The following GARNL3 variants were observed in gnomAD, a reference collection of about 807,000 sequenced individuals.
GARNL3 encodes the protein GTPase activating Rap/RanGAP domain like 3.
Under a neutral mutation model 125.0 loss-of-function variants are expected in GARNL3, and 63 were observed. The ratio of observed to expected loss-of-function variants is 0.50; its 90% CI spans 0.41 to 0.62. GARNL3 has a LOEUF of 0.62. GARNL3 is among the 20% of genes least tolerant of loss of function. GARNL3 has a pLI of 0.00. For missense variants in GARNL3, 994 were observed against 1,244.0 expected (o/e 0.80, Z 3.02); for synonymous variants, 439 against 457.5 (o/e 0.96, Z 0.52).
intron 20 of GARNL3, among the ~76,000 whole-genome samples, chr9:127,355,875 C>A (rs1258832780): frequency 1.3e-5 from 2 of 152,160 alleles, no homozygotes; most frequent in Non-Finnish European, 2.9e-5. Flanking sequence ...AAGAATGTCC[C>A]AGGAAGCCCT....
chr9:127,236,400 T>C (rs921963722), intron 1 of GARNL3, among the ~76,000 whole-genome samples: 34 of 152,222 alleles, frequency 2.2e-4, no homozygotes, highest in South Asian at 2.1e-4. Context: ...GATAGCACAA[T>C]CACACTCCAG....
Position 127,389,027 on chromosome 9 carries a change from T to G in GARNL3, c.2651T>G (p.Val884Gly), listed in dbSNP as rs201536467. 3.1e-5 allele frequency: 50 copies of G among 1,614,030 alleles called. No homozygotes were observed. The highest frequency in any genetic ancestry group is 1.7e-6 in the Non-Finnish European group (2 of 1,179,998). ...ATCACCCCACCCACTCCCATCAGTG[T>G]GGGCCTTGCTGCCATTCCAGTCACG... Reference protein sequence around the residue: ...KVITPPTPISVGLAAIPVTHS... With the variant: ...KVITPPTPISGGLAAIPVTHS... Residue 884 changes from valine to glycine, a missense_variant, in exon 26 of 28, where the codon GTG becomes GGG. This residue lies in a region of GARNL3 where 728 missense variants were observed against 865.7 expected (regional missense o/e 0.84). Transcript: ENST00000373387.
intron 11 of GARNL3, 57 bp from the exon 12 acceptor site, chr9:127,338,059 C>T (rs1396963033): frequency 3.1e-6 from 4 of 1,297,980 alleles, no homozygotes; most frequent in Non-Finnish European, 2.2e-6. Context: ...TTTCAGAGCG[C>T]AAGCTGTCAG....
intron 26 of GARNL3, among the ~76,000 whole-genome samples, chr9:127,389,740 G>T (rs1457495458): frequency 6.6e-6 from 1 of 151,882 alleles, no homozygotes; most frequent in East Asian, 1.9e-4. Flanking sequence ...GGGTAACATG[G>T]TGAAACCCCA....
At position 127,348,921 on chromosome 9, in the gene GARNL3, C is replaced by T. The variant is rs1259475125; in HGVS notation, c.1432-3C>T. On this transcript the variant is annotated splice_polypyrimidine_tract_variant and splice_region_variant and intron_variant, in intron 16 of 27. Transcript: ENST00000373387. Reference sequence around the variant, plus strand: ...ATCTTCCGATGCTTGTATTGCCTCACAGCCGTGGGAGCCCCAGTGTTTCTG... The same window carrying T: ...ATCTTCCGATGCTTGTATTGCCTCATAGCCGTGGGAGCCCCAGTGTTTCTG... 1.2e-6 allele frequency: 2 copies of T among 1,605,168 alleles called. No individual in the cohort carries two copies. The highest frequency in any genetic ancestry group is 1.7e-6 in the Non-Finnish European group (2 of 1,174,910).
chr9:127,305,569 A>T (rs1423438943), intron 2 of GARNL3, among the ~76,000 whole-genome samples: 1 of 151,530 alleles, frequency 6.6e-6, no homozygotes, highest in East Asian at 1.9e-4. Flanking sequence ...AATTTTTTTT[A>T]ATTTTTAATT....
rs538198494 is a variant in GARNL3, at chr9:127,304,557, A to G, written c.220-7079A>G. Among the ~76,000 whole-genome samples the G allele has an allele frequency of 4.7e-3, 467 of 98,898 alleles. 4 individuals are homozygous for G. Among genetic ancestry groups the G allele is most frequent in the African/African-American group, 0.016 (449 of 27,994 alleles). 64.9% of individuals were successfully genotyped at this position (98,898 alleles called of 152,430 possible). A position where few individuals can be genotyped will look rare whatever the true frequency, so the allele number is the denominator to read the frequency against. On this transcript the variant is annotated intron_variant, in intron 2 of 27. Transcript: ENST00000373387. ...TTTTTTTTTTTTTTTTTTTTTTGAG[A>G]CAGAGTCTCACTCTGTCACCCAGGC...
rs183007313 is a variant in GARNL3 at position 127,242,553 on chromosome 9, C to G, written c.-28-526C>G. Among the ~76,000 whole-genome samples the G allele has an allele frequency of 6.6e-6, 1 of 152,292 alleles. No homozygotes were observed. Among genetic ancestry groups the G allele is most frequent in the African/African-American group, 2.4e-5 (1 of 41,550 alleles). On this transcript the variant is annotated intron_variant, in intron 1 of 10. Transcript: ENST00000439286. The surrounding 1 kb of genome is among the most constrained non-coding windows in gnomAD (Gnocchi z 4.6). ...TTATTAATTCAGCAAGCATTTACTG[C>G]TTATATATACTATCTGCTATTACTC...
At position 127,393,267 on chromosome 9, in the gene GARNL3, T is replaced by G. The variant is rs1160587651; in HGVS notation, c.*13T>G. The G allele has an allele frequency of 1.9e-6, 3 of 1,590,708 alleles. No homozygotes were observed. Among genetic ancestry groups the G allele is most frequent in the East Asian group, 2.3e-5 (1 of 44,208 alleles). The stretch of plus-strand genomic sequence containing the variant: ...AGACTTGAAGTAACAGAGTTGAATC[T>G]CATTTGCCATCTTTAGTTTTCTTAT... On this transcript the variant is annotated 3_prime_UTR_variant, in exon 28 of 28. Transcript: ENST00000373387.
At chr9:127,328,728 GT>G (rs1224476274) in intron 7 of GARNL3, among the ~76,000 whole-genome samples, 1 of 152,112 alleles carries the variant, frequency 6.6e-6, no homozygotes, top group Admixed American at 6.5e-5. Context: ...TGGGACTTTA[GT>G]TTCCCCCCAT....
chr9:127,330,826 G>T (rs527308683), intron 7 of GARNL3, among the ~76,000 whole-genome samples: 1 of 152,306 alleles, frequency 6.6e-6, no homozygotes, highest in Non-Finnish European at 1.5e-5. Flanking sequence ...GTTTGGGAGT[G>T]TCCTCTCTCT....
chr9:127,325,462 T>G (rs1042312061), intron 7 of GARNL3, among the ~76,000 whole-genome samples: 4 of 152,186 alleles, frequency 2.6e-5, no homozygotes, highest in African/African-American at 9.7e-5. Context: ...ATGTTGCCAT[T>G]CCCTGTTGCC....
chr9:127,303,036 A>C (rs1305412069), intron 2 of GARNL3, among the ~76,000 whole-genome samples: 1 of 152,152 alleles, frequency 6.6e-6, no homozygotes, highest in Non-Finnish European at 1.5e-5. Context: ...CTGTAGTCCC[A>C]GCTACTCCAG....
At chr9:127,227,012 A>G (rs2062925607) in intron 1 of GARNL3, among the ~76,000 whole-genome samples, 1 of 152,272 alleles carries the variant, frequency 6.6e-6, no homozygotes, top group South Asian at 2.1e-4. Context: ...ACCTGTGGCC[A>G]TGCAGCACTT....
intron 7 of GARNL3, among the ~76,000 whole-genome samples, chr9:127,331,327 A>G (rs1187195283): frequency 6.6e-6 from 1 of 151,750 alleles, no homozygotes; most frequent in Non-Finnish European, 1.5e-5. Flanking sequence ...CATCTCTACT[A>G]AAAATACAAA....
intron 1 of GARNL3, among the ~76,000 whole-genome samples, chr9:127,286,509 T>C (rs1246569732): frequency 6.6e-6 from 1 of 152,246 alleles, no homozygotes; most frequent in African/African-American, 2.4e-5. Flanking sequence ...TCTCTGTTTT[T>C]CATAATCATT....
chr9:127,271,637 G>A (rs926457709), intron 1 of GARNL3, among the ~76,000 whole-genome samples: 2 of 150,376 alleles, frequency 1.3e-5, no homozygotes, highest in African/African-American at 5.0e-5. Context: ...GTCAGAAAAA[G>A]CACAAGATTG....
chr9:127,290,587 G>C (rs760820751), intron 1 of GARNL3, among the ~76,000 whole-genome samples: 7 of 152,162 alleles, frequency 4.6e-5, no homozygotes, highest in Non-Finnish European at 7.4e-5. Context: ...GCCAAGCCCT[G>C]GTGTGTTCAC....
intron 2 of GARNL3, chr9:127,300,604 G>A (rs1032004085): frequency 1.7e-5 from 5 of 295,898 alleles, no homozygotes; most frequent in East Asian, 1.1e-4. Context: ...ACAGGCATGC[G>A]CCACCACGCT....
Sources: gnomAD v4.1 joint callset for allele counts (sites outside exome capture counted in the v4.1 genomes callset) on GRCh38, gnomAD v4.1.1 for gene constraint, gnomAD v4.1.1 regional missense constraint, Gnocchi (gnomAD v3.1) non-coding constraint, MANE v1.5 for transcripts, NCBI Gene and HGNC (gene_info 2026-07-23, HGNC 2026-07-21) for gene names.